Variants in HIP1 observed in about 807,000 individuals in gnomAD.
The protein encoded by HIP1 is huntingtin interacting protein 1, also known as huntingtin-interacting protein 1.
A neutral mutation model predicts 147.6 loss-of-function variants in HIP1; 65 were observed. The ratio of observed to expected loss-of-function variants is 0.44; its 90% CI spans 0.36 to 0.54. The LOEUF (loss-of-function observed/expected upper bound fraction) is 0.54, where lower values mean the gene tolerates loss of function less well. Among genes scored for constraint, HIP1 ranks in the 20% least tolerant of loss-of-function variants. The pLI, the probability that HIP1 is intolerant of heterozygous loss-of-function variation, is 0.00. For synonymous variants in HIP1, 479 were observed against 504.0 expected (o/e 0.95, Z 0.67); for missense variants, 1,061 against 1,299.6 (o/e 0.82, Z 2.82).
At chr7:75,599,028 C>T (rs1445490966) in intron 2 of HIP1, among the ~76,000 whole-genome samples, 156 bp downstream of exon 2, 2 of 152,204 alleles carry the variant, frequency 1.3e-5, no homozygotes, top group Non-Finnish European at 1.5e-5. Context: ...GCAGCCAGCC[C>T]TCTCTGAGAA....
At chr7:75,607,732 A>T (rs587758877) in intron 1 of HIP1, among the ~76,000 whole-genome samples, 4 of 151,854 alleles carry the variant, frequency 2.6e-5, no homozygotes, top group African/African-American at 7.2e-5. Flanking sequence ...AAATAAAAAT[A>T]AAAAAAGAAC....
intron 1 of HIP1, among the ~76,000 whole-genome samples, chr7:75,657,957 A>G (rs1050254146): frequency 1.3e-5 from 2 of 152,164 alleles, no homozygotes; most frequent in Non-Finnish European, 2.9e-5. Context: ...ATGCTTTTGT[A>G]CTAAGAAATA....
intron 12 of HIP1, 146 bp downstream of exon 12, chr7:75,561,927 A>C (rs1795242059): frequency 9.8e-6 from 6 of 611,568 alleles, no homozygotes; most frequent in Non-Finnish European, 1.8e-5. Context: ...GATTACAGGC[A>C]TAAGCCATTG....
chr7:75,539,220 G>A (rs922463277), intron 30 of HIP1, 103 bp downstream of exon 30: 9 of 758,216 alleles, frequency 1.2e-5, no homozygotes, highest in Non-Finnish European at 1.8e-5. Flanking sequence ...AGAAGCCACC[G>A]ATCTGGTGGG....
At chr7:75,640,958 T>C (rs1798632579) in intron 1 of HIP1, among the ~76,000 whole-genome samples, 1 of 151,632 alleles carries the variant, frequency 6.6e-6, no homozygotes, top group African/African-American at 2.4e-5. Context: ...TTCTTATCGA[T>C]GAAATTGGGA....
At chr7:75,649,264 T>C (rs1180189724) in intron 1 of HIP1, among the ~76,000 whole-genome samples, 2 of 152,232 alleles carry the variant, frequency 1.3e-5, no homozygotes, top group African/African-American at 4.8e-5. Context: ...CCTCAGATGA[T>C]CAGCCTGCCT....
At chr7:75,619,553 A>G (rs1481389159) in intron 1 of HIP1, among the ~76,000 whole-genome samples, 1 of 151,956 alleles carries the variant, frequency 6.6e-6, no homozygotes, top group Non-Finnish European at 1.5e-5. Flanking sequence ...CAGTAACAAA[A>G]AGGAAGAATG....
chr7:75,577,504 G>A (rs1795889751), intron 7 of HIP1, among the ~76,000 whole-genome samples: 1 of 152,122 alleles, frequency 6.6e-6, no homozygotes, highest in Non-Finnish European at 1.5e-5. Flanking sequence ...CTGGATTCAA[G>A]CAATCTTCCC....
chr7:75,586,789 C>T lies in HIP1; in HGVS notation c.429G>A (p.Leu143=), dbSNP rs782659181. 10 of 1,613,654 alleles carry T rather than the reference C, an allele frequency of 6.2e-6. No individual in the cohort carries two copies. Among genetic ancestry groups the T allele is most frequent in the Non-Finnish European group, 8.5e-6 (10 of 1,179,786 alleles). Residue 143 remains leucine, a synonymous_variant, in exon 5 of 31, where the codon CTG becomes CTA. Coordinates refer to ENST00000336926, the MANE Select transcript of HIP1 (RefSeq NM_005338.7). ...EGYGQLCSIY[L]KLLRTKMEYH... ...ACTCCATCTTGGTTCTTAGCAGTTT[C>T]AGGTAGATGCTGCACAGCTGGCCAT...
chr7:75,738,484 G>T (rs375487595), intron 1 of HIP1, among the ~76,000 whole-genome samples: 1 of 151,924 alleles, frequency 6.6e-6, no homozygotes, highest in Non-Finnish European at 1.5e-5. Context: ...CTTCCATTCC[G>T]CCCCTTTTCA....
intron 24 of HIP1, among the ~76,000 whole-genome samples, chr7:75,547,476 C>T (rs1794612175): frequency 6.6e-6 from 1 of 152,114 alleles, no homozygotes; most frequent in Non-Finnish European, 1.5e-5. Context: ...CCACATTGGG[C>T]AGGCTGGTCT....
intron 1 of HIP1, among the ~76,000 whole-genome samples, chr7:75,638,872 C>G (rs1798537193): frequency 2.0e-5 from 3 of 151,846 alleles, no homozygotes; most frequent in South Asian, 2.1e-4. Context: ...GCCGGCCAGC[C>G]GCCTCCAGAA....
chr7:75,538,242 T>C lies in HIP1; in HGVS notation c.3062-18A>G. The C allele has an allele frequency of 6.2e-7, 1 of 1,607,904 alleles. No homozygotes were observed. On this transcript the variant is annotated intron_variant, in intron 30 of 30. Coordinates refer to ENST00000336926, the MANE Select transcript of HIP1 (RefSeq NM_005338.7). ...CTCTGTTCCTAAAAGACAATGATAA[T>C]TTATGTTGCAAAGCACTCATGAATG...
At chr7:75,690,365 C>T (rs929777065) in intron 1 of HIP1, among the ~76,000 whole-genome samples, 10 of 152,106 alleles carry the variant, frequency 6.6e-5, no homozygotes, top group Admixed American at 3.3e-4. Context: ...CACGAAAAGA[C>T]GCTTAACATC....
intron 8 of HIP1, among the ~76,000 whole-genome samples, chr7:75,570,928 T>G (rs1322479147): frequency 1.3e-5 from 2 of 152,168 alleles, no homozygotes; most frequent in Middle Eastern, 3.4e-3. Context: ...GAGAATTGCT[T>G]GAACCTGGGA....
At chr7:75,548,444 C>T (rs781790473) in intron 23 of HIP1, among the ~76,000 whole-genome samples, 24 of 151,670 alleles carry the variant, frequency 1.6e-4, no homozygotes, top group Non-Finnish European at 3.1e-4. Context: ...GAAAAACTAG[C>T]GAGTTCAGAT....
intron 1 of HIP1, among the ~76,000 whole-genome samples, chr7:75,719,933 C>A (rs4348432): frequency 3.3e-5 from 5 of 151,958 alleles, no homozygotes; most frequent in Non-Finnish European, 1.5e-5. Flanking sequence ...TGGCATGGAC[C>A]CTAGGGGAGT....
chr7:75,658,213 C>T (rs1465231770), intron 1 of HIP1, among the ~76,000 whole-genome samples: 2 of 152,112 alleles, frequency 1.3e-5, no homozygotes, highest in Non-Finnish European at 2.9e-5. Flanking sequence ...CCTGCCTCCC[C>T]AGTAGCTGGG....
chr7:75,566,679 G>A (rs903313751), intron 9 of HIP1, among the ~76,000 whole-genome samples: 12 of 151,332 alleles, frequency 7.9e-5, no homozygotes, highest in Non-Finnish European at 2.9e-5. Context: ...TGCCTCCAGA[G>A]TCCAGTCTCC....
Sources: gnomAD v4.1 joint callset for allele counts (sites outside exome capture counted in the v4.1 genomes callset) on GRCh38, gnomAD v4.1.1 for gene constraint, MANE v1.5 for transcripts, NCBI Gene and HGNC (gene_info 2026-07-23, HGNC 2026-07-21) for gene names.